DSCAML1: variants seen among roughly 807,000 people sequenced by gnomAD.
The protein encoded by DSCAML1 is cell adhesion molecule DSCAML1.
Under a neutral mutation model 200.5 loss-of-function variants are expected in DSCAML1, and 38 were observed. The observed-to-expected ratio is 0.19, with a 90% CI of 0.15 to 0.25. The LOEUF (loss-of-function observed/expected upper bound fraction) is 0.25, where lower values mean the gene tolerates loss of function less well. Ranked by LOEUF, DSCAML1 falls within the 10% of genes least tolerant of loss-of-function variation. The probability of loss-of-function intolerance (pLI) is 1.00; values close to 1 mark genes in which losing one functional copy is unlikely to be tolerated. For synonymous variants in DSCAML1, 1,215 were observed against 1,165.0 expected, an observed-to-expected ratio of 1.04 and a Z score of -0.87; for missense variants, 2,223 against 2,858.8, an observed-to-expected ratio of 0.78 and a Z score of 5.07.
intron 1 of DSCAML1, among the ~76,000 whole-genome samples, chr11:117,791,987 A>G (rs767540320): frequency 2.6e-5 from 4 of 152,268 alleles, no homozygotes; most frequent in African/African-American, 9.6e-5. Context: ...GTAAGTGCAG[A>G]GCCAGGATGT....
intron 3 of DSCAML1, among the ~76,000 whole-genome samples, chr11:117,696,651 C>T (rs998838646): frequency 1.3e-5 from 2 of 152,080 alleles, no homozygotes; most frequent in African/African-American, 4.8e-5. Flanking sequence ...GGTCAGGACC[C>T]GTCTCCCCTT....
upstream of DSCAML1, chr11:117,800,969 G>A (rs1040017550): frequency 3.9e-5 from 6 of 152,072 alleles, no homozygotes; most frequent in Non-Finnish European, 8.8e-5. Flanking sequence ...GGAATTCTTT[G>A]ACAACTTGAG....
At chr11:117,782,592 TC>T (rs1326561468) in intron 1 of DSCAML1, among the ~76,000 whole-genome samples, 1 of 152,044 alleles carries the variant, frequency 6.6e-6, no homozygotes, top group Non-Finnish European at 1.5e-5. Context: ...GCTGGAGTGT[TC>T]CCCAAGAACA....
chr11:117,725,483 C>A (rs2054110305), intron 3 of DSCAML1, among the ~76,000 whole-genome samples: 1 of 152,230 alleles, frequency 6.6e-6, no homozygotes, highest in African/African-American at 2.4e-5. Context: ...CTGCAATCCC[C>A]CTCTCCTTAC....
chr11:117,452,829 A>C (rs1222359575), intron 19 of DSCAML1, among the ~76,000 whole-genome samples: 2 of 152,190 alleles, frequency 1.3e-5, no homozygotes, highest in Non-Finnish European at 2.9e-5. Flanking sequence ...AGTTTACCAA[A>C]GTCTAATATC....
At chr11:117,675,688 C>T (rs987030682) in intron 3 of DSCAML1, among the ~76,000 whole-genome samples, 12 of 151,850 alleles carry the variant, frequency 7.9e-5, no homozygotes, top group African/African-American at 2.9e-4. Flanking sequence ...TTTCTAAGTG[C>T]AGGTCCCCCC....
intron 21 of DSCAML1, among the ~76,000 whole-genome samples, chr11:117,440,485 G>A (rs2048021330): frequency 6.6e-6 from 1 of 152,214 alleles, no homozygotes; most frequent in Non-Finnish European, 1.5e-5. Context: ...CGGCAGCTGT[G>A]AGGGTTTGCA....
intron 1 of DSCAML1, among the ~76,000 whole-genome samples, chr11:117,782,161 G>T (rs1364770590): frequency 2.6e-5 from 4 of 152,170 alleles, no homozygotes; most frequent in African/African-American, 9.7e-5. Context: ...AACTTTATAG[G>T]ATGGGGGAGG....
At chr11:117,479,673 G>C (rs1042038078) in intron 14 of DSCAML1, among the ~76,000 whole-genome samples, 1 of 151,974 alleles carries the variant, frequency 6.6e-6, no homozygotes, top group East Asian at 1.9e-4. Flanking sequence ...TTTTGAGACA[G>C]AGTCTCACTC....
chr11:117,672,513 G>C (rs2053131691), intron 3 of DSCAML1, among the ~76,000 whole-genome samples: 1 of 152,154 alleles, frequency 6.6e-6, no homozygotes, highest in South Asian at 2.1e-4. Flanking sequence ...ATAAGGATTT[G>C]CCATCACTCA....
intron 3 of DSCAML1, among the ~76,000 whole-genome samples, chr11:117,752,079 A>G (rs1565263149): frequency 6.6e-6 from 1 of 152,176 alleles, no homozygotes; most frequent in East Asian, 1.9e-4. Flanking sequence ...TTCAGAGTAT[A>G]CTGCAGAAGG....
chr11:117,789,716 G>A (rs1189676776), intron 1 of DSCAML1, among the ~76,000 whole-genome samples: 3 of 152,202 alleles, frequency 2.0e-5, no homozygotes, highest in Non-Finnish European at 2.9e-5. Flanking sequence ...TCGCAGGGCT[G>A]TCAAGTGGAA....
chr11:117,630,982 A>G (rs2052161165), intron 3 of DSCAML1, among the ~76,000 whole-genome samples: 1 of 152,262 alleles, frequency 6.6e-6, no homozygotes, highest in African/African-American at 2.4e-5. Flanking sequence ...AATTGGACAC[A>G]TAAGTGCTCA....
chr11:117,572,798 A>G (rs2050868802), intron 3 of DSCAML1, among the ~76,000 whole-genome samples: 1 of 152,156 alleles, frequency 6.6e-6, no homozygotes, highest in Non-Finnish European at 1.5e-5. Flanking sequence ...GTGCAGGTAT[A>G]ACTAGACATG....
chr11:117,740,969 G>C (rs2137840117), intron 3 of DSCAML1, among the ~76,000 whole-genome samples: 1 of 152,392 alleles, frequency 6.6e-6, no homozygotes, highest in East Asian at 1.9e-4. Flanking sequence ...CAGATGTCAG[G>C]CAAGCTGGAG....
At chr11:117,587,084 A>T (rs1187924563) in intron 3 of DSCAML1, among the ~76,000 whole-genome samples, 2 of 151,870 alleles carry the variant, frequency 1.3e-5, no homozygotes, top group Non-Finnish European at 2.9e-5. Flanking sequence ...CCCAGGGAGA[A>T]GGCTCTCCAC....
At chr11:117,771,267 A>G (rs1371686296) in intron 3 of DSCAML1, among the ~76,000 whole-genome samples, 1 of 152,192 alleles carries the variant, frequency 6.6e-6, no homozygotes, top group African/African-American at 2.4e-5. Context: ...CCAAGATCAC[A>G]TTTGTTTGTT....
At chr11:117,586,531 G>C (rs1158980768) in intron 3 of DSCAML1, among the ~76,000 whole-genome samples, 1 of 152,174 alleles carries the variant, frequency 6.6e-6, no homozygotes, top group Non-Finnish European at 1.5e-5. Flanking sequence ...CCTTGACCCA[G>C]CTCTCTCTGT....
chr11:117,544,258 A>G (rs1003153016), intron 3 of DSCAML1, among the ~76,000 whole-genome samples: 1 of 152,230 alleles, frequency 6.6e-6, no homozygotes. Flanking sequence ...CAATCAATAC[A>G]GGTTACCAGT....
Sources: gnomAD v4.1 joint callset for allele counts (sites outside exome capture counted in the v4.1 genomes callset) on GRCh38, gnomAD v4.1.1 for gene constraint, MANE v1.5 for transcripts, NCBI Gene and HGNC (gene_info 2026-07-23, HGNC 2026-07-21) for gene names.